The following TFAP2D variants were observed in gnomAD, a reference collection of about 807,000 sequenced individuals.
The protein encoded by TFAP2D is transcription factor AP-2 delta.
Under a neutral mutation model 43.6 loss-of-function variants are expected in TFAP2D, and 9 were observed. The observed-to-expected ratio is 0.21, with a 90% CI of 0.12 to 0.36. The LOEUF (loss-of-function observed/expected upper bound fraction) is 0.36, where lower values mean the gene tolerates loss of function less well. Ranked by LOEUF, TFAP2D falls within the 10% of genes least tolerant of loss-of-function variation. The probability of loss-of-function intolerance (pLI) is 1.00; values close to 1 mark genes in which losing one functional copy is unlikely to be tolerated. For synonymous variants in TFAP2D, 256 were observed against 224.9 expected (o/e 1.14, Z -1.24); for missense variants, 513 against 561.4 (o/e 0.91, Z 0.87).
chr6:50,729,525 G>T (rs575882868), intron 5 of TFAP2D, among the ~76,000 whole-genome samples: 1 of 152,244 alleles, frequency 6.6e-6, no homozygotes, highest in East Asian at 1.9e-4. Context: ...ACTAATCTTG[G>T]TAGTAATAGG....
chr6:50,721,198 G>T (rs893096128), intron 3 of TFAP2D, among the ~76,000 whole-genome samples: 3 of 152,086 alleles, frequency 2.0e-5, no homozygotes, highest in African/African-American at 7.2e-5. Flanking sequence ...AATCATCGTC[G>T]AATCTGCTAC....
intron 7 of TFAP2D, among the ~76,000 whole-genome samples, chr6:50,772,089 C>G (rs373884879): frequency 7.9e-5 from 12 of 152,064 alleles, no homozygotes; most frequent in African/African-American, 2.2e-4. Context: ...CATGTCCTTT[C>G]TAGGGACATG....
intron 6 of TFAP2D, 27 bp from the exon 7 acceptor site, chr6:50,751,184 A>G (rs2113886116): frequency 6.6e-7 from 1 of 1,505,310 alleles, no homozygotes; most frequent in African/African-American, 1.4e-5. Context: ...GAAAATTTCA[A>G]TTTTAAATTT....
Position 50,715,070 on chromosome 6 carries a change from A to C in TFAP2D, c.40-46A>C, listed in dbSNP as rs761107945. On this transcript the variant is annotated intron_variant, in intron 1 of 7. Coordinates refer to ENST00000008391, the MANE Select transcript of TFAP2D (RefSeq NM_172238.4). ...AGCGGCGCCTTGGTTGCAAAATGAC[A>C]AACCTCAAGTTTTTCTGCTCTCCCT... The C allele has an allele frequency of 1.9e-6, 3 of 1,582,638 alleles. No individual in the cohort carries two copies. The East Asian group carries it at 6.8e-5, about 36-fold the overall frequency.
intron 5 of TFAP2D, among the ~76,000 whole-genome samples, chr6:50,737,937 G>T (rs1470618643): frequency 6.6e-6 from 1 of 152,066 alleles, no homozygotes; most frequent in Non-Finnish European, 1.5e-5. Context: ...TCTAGGAATG[G>T]CGTTGCAGGG....
chr6:50,723,295 G>T lies in TFAP2D; in HGVS notation c.598+4145G>T, dbSNP rs1467172338. Among the ~76,000 whole-genome samples, 6 of 152,360 alleles carry T rather than the reference G, an allele frequency of 3.9e-5. No individual in the cohort carries two copies. In the East Asian group the frequency reaches 9.7e-4, roughly 25 times the overall value. On this transcript the variant is annotated intron_variant, in intron 3 of 7. Coordinates refer to ENST00000008391, the MANE Select transcript of TFAP2D (RefSeq NM_172238.4). Reference sequence around the variant, plus strand: ...CCTTTAGCCGGCCTCAAGGCCGGCAGCAGGCTGCTTGGCAGGAGGAAGCGA... The same window carrying T: ...CCTTTAGCCGGCCTCAAGGCCGGCATCAGGCTGCTTGGCAGGAGGAAGCGA...
chr6:50,715,836 C>T (rs1768617620), intron 2 of TFAP2D, among the ~76,000 whole-genome samples: 1 of 151,990 alleles, frequency 6.6e-6, no homozygotes, highest in Non-Finnish European at 1.5e-5. Context: ...TTCTCTTCCT[C>T]TCATTGGATC....
At position 50,713,747 on chromosome 6, in the gene TFAP2D, C is replaced by T. The variant is rs1410780033; in HGVS notation, c.-309C>T. 2 of 462,350 alleles carry T rather than the reference C, an allele frequency of 4.3e-6. No individual in the cohort carries two copies. The highest frequency in any genetic ancestry group is 7.6e-6 in the Non-Finnish European group (2 of 263,712). The allele number at this position is 462,350 out of a possible 1,614,324, so 28.6% of individuals were successfully genotyped here. A position where few individuals can be genotyped will look rare whatever the true frequency, so the allele number is the denominator to read the frequency against. Reference sequence around the variant, plus strand: ...GTCCTCCCAGTTCTCAGTGCTGATGCTTAATTTTCAAAACTTCTATATTAC... The same window carrying T: ...GTCCTCCCAGTTCTCAGTGCTGATGTTTAATTTTCAAAACTTCTATATTAC... On this transcript the variant is annotated 5_prime_UTR_variant, in exon 1 of 8. Transcript: ENST00000008391.
Position 50,715,119 on chromosome 6 carries a change from C to A in TFAP2D, c.43C>A (p.Arg15Ser), listed in dbSNP as rs769470565. The change falls in exon 2 of 8, where the codon CGT becomes AGT. Residue 15 changes from arginine (R) to serine (S), a missense_variant. Arg to Ser is a moderately radical substitution (Grantham distance 110). This residue lies in a region of TFAP2D where 311 missense variants were observed against 316.2 expected (regional missense o/e 0.98). Coordinates refer to ENST00000008391, the MANE Select transcript of TFAP2D (RefSeq NM_172238.4). ...CTTTTCCCCCTCTTCCTTCCAGATACGTCACGACGGATCAAACAGCTACCG... is the reference window on the plus strand; with the variant it reads ...CTTTTCCCCCTCTTCCTTCCAGATAAGTCACGACGGATCAAACAGCTACCG... ...FPGLVHDAEI[R>S]HDGSNSYRLM... 34 of 1,613,644 alleles carry A rather than the reference C, an allele frequency of 2.1e-5. 1 individual carries two copies. Among genetic ancestry groups the A allele is most frequent in the Non-Finnish European group, 2.5e-5 (30 of 1,179,780 alleles).
intron 7 of TFAP2D, among the ~76,000 whole-genome samples, chr6:50,757,424 AATATATATAGAATATATATACTTATTCT>A (rs1417781747): frequency 0.05 from 5,675 of 113,324 alleles, 948 homozygotes; most frequent in East Asian, 0.063. Context: ...CTCTATATAG[AATATATATAGAATATATATACTTATTCT>A]ATATATATAT....
intron 7 of TFAP2D, among the ~76,000 whole-genome samples, chr6:50,760,272 A>T (rs1028882156): frequency 7.2e-5 from 11 of 152,050 alleles, no homozygotes; most frequent in Non-Finnish European, 1.6e-4. Flanking sequence ...GAATGCAGAC[A>T]TAATAGTTAG....
Position 50,745,246 on chromosome 6 carries a change from C to A in TFAP2D, c.1023C>A (p.Thr341=), listed in dbSNP as rs1018915092. 6.2e-7 allele frequency: 1 copy of A among 1,613,078 alleles called. No homozygotes were observed. The highest frequency in any genetic ancestry group is 1.3e-5 in the African/African-American group (1 of 74,794). The part of the protein sequence containing the change: ...QTARKKMILA[T]KQICKEFQDL... ...CAAGAAAAAAGATGATCCTGGCGACCAAGTAAGCAGAATGGGGAAACCTCT... is the reference window on the plus strand; with the variant it reads ...CAAGAAAAAAGATGATCCTGGCGACAAAGTAAGCAGAATGGGGAAACCTCT... Residue 341 remains threonine, a splice_region_variant and synonymous_variant, in exon 6 of 8, where the codon ACC becomes ACA. Coordinates refer to ENST00000008391, the MANE Select transcript of TFAP2D (RefSeq NM_172238.4).
chr6:50,721,184 T>TA (rs1768717640), intron 3 of TFAP2D, among the ~76,000 whole-genome samples: 1 of 152,230 alleles, frequency 6.6e-6, no homozygotes, highest in Non-Finnish European at 1.5e-5. Context: ...TCGTTTCAAC[T>TA]AAAAATCATC....
chr6:50,739,953 G>A (rs1025625768), intron 5 of TFAP2D, among the ~76,000 whole-genome samples: 4 of 152,158 alleles, frequency 2.6e-5, no homozygotes, highest in Admixed American at 2.0e-4. Context: ...GCCATAGATC[G>A]TATGATGTAT....
At chr6:50,718,947 G>C (rs763960739) in intron 2 of TFAP2D, 143 bp from the exon 3 acceptor site, 1 of 736,918 alleles carries the variant, frequency 1.4e-6, no homozygotes, top group Non-Finnish European at 2.2e-6. Flanking sequence ...GTGTTTGCTG[G>C]CAAGCTTGCT....
At chr6:50,758,971 GAC>G (rs1769327635) in intron 7 of TFAP2D, among the ~76,000 whole-genome samples, 1 of 152,136 alleles carries the variant, frequency 6.6e-6, no homozygotes, top group Non-Finnish European at 1.5e-5. Context: ...TTTGTCAGGA[GAC>G]ACATACATTA....
chr6:50,716,298 A>G (rs767843965), intron 2 of TFAP2D, among the ~76,000 whole-genome samples: 28 of 152,328 alleles, frequency 1.8e-4, no homozygotes, highest in Non-Finnish European at 2.6e-4. Flanking sequence ...TCTCCGCCTG[A>G]CGTGCACTCA....
chr6:50,723,719 G>A (rs1334215506), intron 3 of TFAP2D, among the ~76,000 whole-genome samples: 1 of 152,174 alleles, frequency 6.6e-6, no homozygotes, highest in Non-Finnish European at 1.5e-5. Context: ...GAGGGAAAGA[G>A]GTAGCTTTCC....
rs1391237698 is a variant in TFAP2D, at chr6:50,713,734, C to A, written c.-322C>A. 4.7e-6 allele frequency: 2 copies of A among 425,452 alleles called. No homozygotes were observed. Among genetic ancestry groups the A allele is most frequent in the African/African-American group, 4.2e-5 (2 of 47,890 alleles). The allele number at this position is 425,452 out of a possible 1,614,324, so 26.4% of individuals were successfully genotyped here. A position where few individuals can be genotyped will look rare whatever the true frequency, so the allele number is the denominator to read the frequency against. On this transcript the variant is annotated 5_prime_UTR_variant, in exon 1 of 8. Transcript: ENST00000008391. The stretch of plus-strand genomic sequence containing the variant: ...TCTTCTGCCTATTGTCCTCCCAGTT[C>A]TCAGTGCTGATGCTTAATTTTCAAA...
Sources: gnomAD v4.1 joint callset for allele counts (sites outside exome capture counted in the v4.1 genomes callset) on GRCh38, gnomAD v4.1.1 for gene constraint, gnomAD v4.1.1 regional missense constraint, MANE v1.5 for transcripts, NCBI Gene and HGNC (gene_info 2026-07-23, HGNC 2026-07-21) for gene names.